The following NCOA3 variants were observed in gnomAD, a reference collection of about 807,000 sequenced individuals.
NCOA3 encodes the protein CBP-interacting protein.
Under a neutral mutation model 158.8 loss-of-function variants are expected in NCOA3, and 51 were observed. That is an observed-to-expected ratio of 0.32 (90% CI 0.26 to 0.41). The LOEUF is 0.41. Among genes scored for constraint, NCOA3 ranks in the 10% least tolerant of loss-of-function variants. The pLI, the probability that NCOA3 is intolerant of heterozygous loss-of-function variation, is 1.00. For synonymous variants in NCOA3, 537 were observed against 592.4 expected, an observed-to-expected ratio of 0.91 and a Z score of 1.36; for missense variants, 1,510 against 1,746.6, an observed-to-expected ratio of 0.86 and a Z score of 2.41.
intron 2 of NCOA3, among the ~76,000 whole-genome samples, chr20:47,601,903 G>T (rs1230617479): frequency 6.6e-6 from 1 of 152,140 alleles, no homozygotes. Context: ...AGGATAACAG[G>T]GGGAGCCATA....
At position 47,652,966 on chromosome 20, in the gene NCOA3, A is replaced by G. The variant is rs1199357955; in HGVS notation, c.4157A>G (p.Asn1386Ser). The G allele has an allele frequency of 1.2e-6, 2 of 1,614,100 alleles. No individual in the cohort carries two copies. The highest frequency in any genetic ancestry group is 8.5e-7 in the Non-Finnish European group (1 of 1,179,936). ...FSQQQFAHQG[N>S]PAVYSMVHMN... Reference sequence around the variant, plus strand: ...CAGCAGCAGTTTGCCCACCAGGGGAATCCTGCAGTGTATAGTATGGTGCAC... The same window carrying G: ...CAGCAGCAGTTTGCCCACCAGGGGAGTCCTGCAGTGTATAGTATGGTGCAC... Residue 1386 changes from asparagine (N) to serine (S), a missense_variant, in exon 22 of 23, where the codon AAT becomes AGT. Physicochemically the swap from Asn to Ser is conservative, Grantham distance 46. Coordinates refer to ENST00000371998, the MANE Select transcript of NCOA3 (RefSeq NM_181659.3).
At chr20:47,556,462 C>G (rs143669801) in intron 1 of NCOA3, among the ~76,000 whole-genome samples, 2 of 152,276 alleles carry the variant, frequency 1.3e-5, no homozygotes, top group East Asian at 1.9e-4. Context: ...CAAGTAGACT[C>G]TGGACTTTTT....
At chr20:47,589,134 C>G (rs564988156) in intron 2 of NCOA3, among the ~76,000 whole-genome samples, 2 of 152,114 alleles carry the variant, frequency 1.3e-5, no homozygotes, top group Non-Finnish European at 2.9e-5. Flanking sequence ...CTCAGGTGAT[C>G]CACCCGCCTC....
Position 47,609,240 on chromosome 20 carries a change from G to T in NCOA3, c.-19-12989G>T, listed in dbSNP as rs766622540. On this transcript the variant is annotated intron_variant, in intron 2 of 22. Coordinates refer to ENST00000371998, the MANE Select transcript of NCOA3 (RefSeq NM_181659.3). ...TTGATCAACAATTCATCTACCCCAA[G>T]CACTTAGCATAGGGGATACTATTTC... is the stretch of plus-strand genomic sequence containing the variant. Among the ~76,000 whole-genome samples the T allele has an allele frequency of 3.9e-5, 6 of 152,120 alleles. No homozygotes were observed. In the South Asian group the frequency reaches 6.2e-4, roughly 16 times the overall value.
intron 1 of NCOA3, among the ~76,000 whole-genome samples, chr20:47,545,865 C>T (rs2084820131): frequency 6.6e-5 from 10 of 151,952 alleles, no homozygotes; most frequent in Admixed American, 6.6e-4. Context: ...TAGGGGCATG[C>T]CATCATGCCT....
At chr20:47,547,708 G>A (rs906116017) in intron 1 of NCOA3, among the ~76,000 whole-genome samples, 18 of 147,294 alleles carry the variant, frequency 1.2e-4, no homozygotes, top group East Asian at 2.1e-4. Context: ...ATGAGCCACC[G>A]CGCCCGGCCC....
At chr20:47,561,986 T>C (rs2085114543) in intron 1 of NCOA3, among the ~76,000 whole-genome samples, 1 of 152,208 alleles carries the variant, frequency 6.6e-6, no homozygotes, top group Admixed American at 6.6e-5. Flanking sequence ...GCTTTTTTTT[T>C]TGACATGTCA....
At chr20:47,511,556 T>TATATATATATACACACACACATACACATA (rs1569310943) in intron 1 of NCOA3, among the ~76,000 whole-genome samples, 2 of 30,198 alleles carry the variant, frequency 6.6e-5, no homozygotes, top group African/African-American at 1.3e-4. Context: ...TATATATATA[T>TATATATATATACACACACACATACACATA]TTCTTTTTTT....
intron 2 of NCOA3, among the ~76,000 whole-genome samples, chr20:47,604,768 T>C (rs541058696): frequency 3.0e-4 from 45 of 152,266 alleles, no homozygotes; most frequent in African/African-American, 1.1e-3. Flanking sequence ...ATCATAAACA[T>C]TTATTTTAAA....
chr20:47,587,133 C>T (rs140701162), intron 2 of NCOA3, among the ~76,000 whole-genome samples: 49 of 152,256 alleles, frequency 3.2e-4, no homozygotes, highest in Middle Eastern at 3.4e-3. Flanking sequence ...TCCCATTACC[C>T]GTCGGATCTT....
intron 1 of NCOA3, among the ~76,000 whole-genome samples, chr20:47,559,343 A>G (rs527696255): frequency 6.6e-6 from 1 of 152,222 alleles, no homozygotes; most frequent in Admixed American, 6.5e-5. Context: ...TTCTTATACA[A>G]CCAAAAGACT....
chr20:47,543,971 A>T (rs1021127043), intron 1 of NCOA3, among the ~76,000 whole-genome samples: 3 of 151,668 alleles, frequency 2.0e-5, no homozygotes, highest in South Asian at 2.1e-4. Flanking sequence ...CTCAAAGTTT[A>T]AAAAAAAACT....
chr20:47,565,935 G>A (rs896551784), intron 1 of NCOA3, among the ~76,000 whole-genome samples: 2 of 152,122 alleles, frequency 1.3e-5, no homozygotes, highest in Admixed American at 1.3e-4. Context: ...TTAAACCTAA[G>A]TTTAAAAATG....
At chr20:47,648,677 C>G (rs1401090313) in intron 18 of NCOA3, among the ~76,000 whole-genome samples, 2 of 152,034 alleles carry the variant, frequency 1.3e-5, no homozygotes, top group Non-Finnish European at 2.9e-5. Context: ...GTTGCCCAGA[C>G]TGATCTCAGA....
chr20:47,629,221 C>T (rs774651614), intron 8 of NCOA3, among the ~76,000 whole-genome samples: 7 of 152,032 alleles, frequency 4.6e-5, no homozygotes, highest in African/African-American at 9.7e-5. Context: ...TCATTTTATG[C>T]CATCAGTAAC....
Position 47,639,775 on chromosome 20 carries a change from C to G in NCOA3, c.2906C>G (p.Pro969Arg). The G allele has an allele frequency of 6.2e-7, 1 of 1,614,204 alleles. No homozygotes were observed. The highest frequency in any genetic ancestry group is 8.5e-7 in the Non-Finnish European group (1 of 1,180,038). The change falls in exon 15 of 23, where the codon CCA becomes CGA. Residue 969 changes from proline to arginine, a missense_variant. This residue lies in a region of NCOA3 where 1,017 missense variants were observed against 1,098.3 expected (regional missense o/e 0.93). Coordinates refer to ENST00000371998, the MANE Select transcript of NCOA3 (RefSeq NM_181659.3). ...PTLPLRSNSIPGARPVLQQQQ... is the reference protein window; with the variant it reads ...PTLPLRSNSIRGARPVLQQQQ... The stretch of plus-strand genomic sequence containing the variant: ...TTGCCTCTTCGGTCTAATAGCATAC[C>G]AGGTGCGAGACCAGTATTGCAACAG...
At chr20:47,646,254 A>G (rs1421491966) in intron 17 of NCOA3, among the ~76,000 whole-genome samples, 1 of 152,244 alleles carries the variant, frequency 6.6e-6, no homozygotes, top group African/African-American at 2.4e-5. Context: ...GGGAATTATT[A>G]TAAGAAGAAT....
chr20:47,558,236 T>A (rs1365172106), intron 1 of NCOA3, among the ~76,000 whole-genome samples: 1 of 106,756 alleles, frequency 9.4e-6, no homozygotes, highest in Admixed American at 8.7e-5. Flanking sequence ...TTTTGTATTT[T>A]TTTTTTTTTT....
At chr20:47,626,506 T>A (rs1216535332) in intron 5 of NCOA3, among the ~76,000 whole-genome samples, 5 of 150,874 alleles carry the variant, frequency 3.3e-5, no homozygotes, top group African/African-American at 1.2e-4. Context: ...TCTTTTTTTT[T>A]CCCCCCAGTA....
Sources: gnomAD v4.1 joint callset for allele counts (sites outside exome capture counted in the v4.1 genomes callset) on GRCh38, gnomAD v4.1.1 for gene constraint, gnomAD v4.1.1 regional missense constraint, MANE v1.5 for transcripts, NCBI Gene and HGNC (gene_info 2026-07-23, HGNC 2026-07-21) for gene names.